HSP90AA1: variants seen among roughly 807,000 people sequenced by gnomAD.
The protein encoded by HSP90AA1 is heat shock protein 90 alpha family class A member 1.
A neutral mutation model predicts 73.3 loss-of-function variants in HSP90AA1; 18 were observed. The ratio of observed to expected loss-of-function variants is 0.25; its 90% CI spans 0.17 to 0.36. HSP90AA1 has a LOEUF of 0.36. HSP90AA1 is among the 10% of genes least tolerant of loss of function. The pLI is 1.00. For synonymous variants in HSP90AA1, 477 were observed against 296.9 expected (o/e 1.61, Z -6.24); for missense variants, 704 against 874.2 (o/e 0.81, Z 2.45).
intron 2 of HSP90AA1, among the ~76,000 whole-genome samples, chr14:102,100,187 C>T (rs551478272): frequency 2.0e-4 from 31 of 151,576 alleles, no homozygotes; most frequent in African/African-American, 7.3e-4. Context: ...AACTCTGTCT[C>T]GAAAAAAAAA....
intron 1 of HSP90AA1, among the ~76,000 whole-genome samples, chr14:102,127,312 G>A (rs185494300): frequency 6.6e-6 from 1 of 152,188 alleles, no homozygotes; most frequent in East Asian, 1.9e-4. Flanking sequence ...TCTTACTGGA[G>A]GAGCTTAACA....
At chr14:102,081,863 A>G (rs1257845358) in intron 10 of HSP90AA1, 42 bp from the exon 11 acceptor site, 1 of 974,588 alleles carries the variant, frequency 1.0e-6, no homozygotes. Context: ...AGATTTCTTA[A>G]AGCCAGCTAT....
chr14:102,135,617 G>A (rs1298910923), intron 1 of HSP90AA1, among the ~76,000 whole-genome samples: 1 of 152,274 alleles, frequency 6.6e-6, no homozygotes, highest in Non-Finnish European at 1.5e-5. Flanking sequence ...GTGGGTGGGA[G>A]GCTCAGGCAT....
intron 8 of HSP90AA1, 73 bp downstream of exon 8, chr14:102,083,473 G>A: frequency 2.7e-6 from 4 of 1,486,284 alleles, no homozygotes; most frequent in Non-Finnish European, 3.7e-6. Context: ...TGCTACCTGA[G>A]TAGAAAACAC....
intron 2 of HSP90AA1, among the ~76,000 whole-genome samples, chr14:102,096,347 C>T (rs1041411318): frequency 1.3e-5 from 2 of 152,144 alleles, no homozygotes; most frequent in African/African-American, 2.4e-5. Context: ...CCTCCAGGGG[C>T]AGCAGATCCT....
chr14:102,101,807 G>T, intron 2 of HSP90AA1: 3 of 1,305,232 alleles, frequency 2.3e-6, no homozygotes, highest in Non-Finnish European at 3.3e-6. Context: ...ACCACCGGTT[G>T]GTTGGATGGA....
chr14:102,084,638 T>A, intron 5 of HSP90AA1, 43 bp downstream of exon 5: 1 of 1,614,094 alleles, frequency 6.2e-7, no homozygotes, highest in Non-Finnish European at 8.5e-7. Context: ...TGGAGAAAGA[T>A]GATAATCTAA....
intron 1 of HSP90AA1, among the ~76,000 whole-genome samples, chr14:102,123,995 C>T (rs2049810866): frequency 6.6e-6 from 1 of 151,942 alleles, no homozygotes; most frequent in South Asian, 2.1e-4. Flanking sequence ...GAGATGGCGC[C>T]TCCCTCTGTT....
intron 8 of HSP90AA1, 82 bp from the exon 9 acceptor site, chr14:102,083,384 A>AT: frequency 6.6e-7 from 1 of 1,508,392 alleles, no homozygotes; most frequent in East Asian, 2.3e-5. Context: ...TGCTAGCCAG[A>AT]TACCTAGGCA....
rs184415681 is a variant in HSP90AA1, at chr14:102,135,852, G to A, written c.155+3398C>T. 3.9e-3 allele frequency among the ~76,000 whole-genome samples: 587 copies of A among 152,342 alleles called. 9 individuals are homozygous for A. In the East Asian group the frequency reaches 0.048, roughly 13 times the overall value. On this transcript the variant is annotated intron_variant, in intron 1 of 11. Transcript: ENST00000334701. ...GCCCACCCGGAACTCCAGCTGGCCCGCAAGAGCCGCACGCAGCCCCGGTTC... is the reference window on the plus strand; with the variant it reads ...GCCCACCCGGAACTCCAGCTGGCCCACAAGAGCCGCACGCAGCCCCGGTTC...
intron 1 of HSP90AA1, chr14:102,102,101 C>A: frequency 6.2e-7 from 1 of 1,607,926 alleles, no homozygotes. Context: ...AACATAAACA[C>A]AATCTTCTGG....
upstream of HSP90AA1, among the ~76,000 whole-genome samples, chr14:102,087,413 G>C (rs1057512324): frequency 1.1e-4 from 17 of 151,668 alleles, no homozygotes; most frequent in African/African-American, 4.1e-4. Context: ...GGGCACGCCC[G>C]GGCGTGGGGG....
At position 102,086,770 on chromosome 14, in the gene HSP90AA1, C is replaced by T. The variant is rs1310192415; in HGVS notation, c.-1+216G>A. ...CGCCAGCTCTGGCGCTGCTGCAGAGCCTCGGGGAGCCCGCGGCCGCCCGGC... is the reference window on the plus strand; with the variant it reads ...CGCCAGCTCTGGCGCTGCTGCAGAGTCTCGGGGAGCCCGCGGCCGCCCGGC... On this transcript the variant is annotated intron_variant, in intron 1 of 10. Transcript: ENST00000216281. Among the ~76,000 whole-genome samples, 10 of 151,756 alleles carry T rather than the reference C, an allele frequency of 6.6e-5. No homozygotes were observed. The East Asian group carries it at 1.6e-3, about 24-fold the overall frequency.
intron 1 of HSP90AA1, among the ~76,000 whole-genome samples, chr14:102,113,020 GTATT>G (rs548216492): frequency 2.6e-5 from 4 of 151,762 alleles, no homozygotes; most frequent in Admixed American, 6.6e-5. Context: ...TGTTTTGTTT[GTATT>G]TATTTATTTA....
intron 1 of HSP90AA1, among the ~76,000 whole-genome samples, chr14:102,136,803 G>A (rs957735718): frequency 1.3e-5 from 2 of 151,148 alleles, no homozygotes; most frequent in South Asian, 2.1e-4. Context: ...CAGGAGAATC[G>A]TTTGAATCCG....
At chr14:102,090,197 A>G (rs1166161107), upstream of HSP90AA1, among the ~76,000 whole-genome samples, 2 of 152,186 alleles carry the variant, frequency 1.3e-5, no homozygotes, top group East Asian at 3.9e-4. Context: ...TGCCTGGAAC[A>G]CCATTCCCTC....
chr14:102,089,082 G>A (rs929004037), upstream of HSP90AA1, among the ~76,000 whole-genome samples: 10 of 151,884 alleles, frequency 6.6e-5, no homozygotes, highest in Non-Finnish European at 1.3e-4. Flanking sequence ...CACTACGCCC[G>A]GCTAATTTTT....
chr14:102,105,172 A>G (rs1216896315), intron 1 of HSP90AA1, among the ~76,000 whole-genome samples: 1 of 140,330 alleles, frequency 7.1e-6, no homozygotes, highest in Non-Finnish European at 1.5e-5. Flanking sequence ...GTGCCACTGC[A>G]CTCCAGCCTG....
chr14:102,087,476 G>A (rs550025018), upstream of HSP90AA1, among the ~76,000 whole-genome samples: 1 of 151,996 alleles, frequency 6.6e-6, no homozygotes, highest in East Asian at 1.9e-4. Context: ...CGCGGGGCCG[G>A]GGTGGGAGGC....
Sources: gnomAD v4.1 joint callset for allele counts (sites outside exome capture counted in the v4.1 genomes callset) on GRCh38, gnomAD v4.1.1 for gene constraint, MANE v1.5 for transcripts, NCBI Gene and HGNC (gene_info 2026-07-23, HGNC 2026-07-21) for gene names.